SNTG1: variants seen among roughly 807,000 people sequenced by gnomAD.
SNTG1 encodes the protein syntrophin gamma 1.
Under a neutral mutation model 74.7 loss-of-function variants are expected in SNTG1, and 39 were observed. The observed-to-expected ratio is 0.52, with a 90% confidence interval of 0.40 to 0.68. The LOEUF (loss-of-function observed/expected upper bound fraction) is 0.68, where lower values mean the gene tolerates loss of function less well. Among genes scored for constraint, SNTG1 ranks in the 30% least tolerant of loss-of-function variants. The probability of loss-of-function intolerance (pLI) is 0.00; values close to 1 mark genes in which losing one functional copy is unlikely to be tolerated. For missense variants in SNTG1, 685 were observed against 609.5 expected, an observed-to-expected ratio of 1.12 and a Z score of -1.30; for synonymous variants, 254 against 217.1, an observed-to-expected ratio of 1.17 and a Z score of -1.49.
At chr8:50,498,755 T>C (rs1173246433) in intron 8 of SNTG1, among the ~76,000 whole-genome samples, 7 of 151,898 alleles carry the variant, frequency 4.6e-5, no homozygotes, top group Admixed American at 4.6e-4. Flanking sequence ...CACTCTGAGT[T>C]AGTATTAGTA....
chr8:50,014,320 T>G (rs1816106502), intron 1 of SNTG1, among the ~76,000 whole-genome samples: 1 of 152,106 alleles, frequency 6.6e-6, no homozygotes, highest in African/African-American at 2.4e-5. Context: ...GCAGGACAAA[T>G]ACAAAATGTG....
intron 2 of SNTG1, among the ~76,000 whole-genome samples, chr8:50,194,149 T>C (rs1055332162): frequency 2.0e-5 from 3 of 152,246 alleles, no homozygotes; most frequent in Middle Eastern, 3.4e-3. Flanking sequence ...TTATGTCCTT[T>C]CCTGGTTTAG....
intron 1 of SNTG1, among the ~76,000 whole-genome samples, chr8:50,137,539 G>A (rs997174527): frequency 4.6e-5 from 7 of 152,154 alleles, no homozygotes; most frequent in African/African-American, 7.2e-5. Context: ...AAGTAAATGC[G>A]TACGTAGATA....
Position 50,668,953 on chromosome 8 carries a change from G to A in SNTG1, c.1038+10290G>A, listed in dbSNP as rs910826546. ...CTGCAGTAAACATACGTGTGCATGTGTCTTTATAGCTGAATGATTTATAAT... is the reference window on the plus strand; with the variant it reads ...CTGCAGTAAACATACGTGTGCATGTATCTTTATAGCTGAATGATTTATAAT... On this transcript the variant is annotated intron_variant, in intron 15 of 18. Transcript: ENST00000642720. Among the ~76,000 whole-genome samples, 5 of 152,002 alleles carry A rather than the reference G, an allele frequency of 3.3e-5. No individual in the cohort carries two copies. In the South Asian group the frequency reaches 1.0e-3, roughly 31 times the overall value.
intron 1 of SNTG1, among the ~76,000 whole-genome samples, chr8:50,060,489 T>G (rs1481244568): frequency 4.6e-5 from 7 of 152,118 alleles, no homozygotes; most frequent in Admixed American, 4.6e-4. Context: ...CATTACCTCT[T>G]ACATTTAGGT....
chr8:50,055,544 C>T (rs1819953460), intron 1 of SNTG1, among the ~76,000 whole-genome samples: 1 of 152,060 alleles, frequency 6.6e-6, no homozygotes, highest in Non-Finnish European at 1.5e-5. Flanking sequence ...TCTTCTTATT[C>T]CTGTGTGGGC....
intron 2 of SNTG1, among the ~76,000 whole-genome samples, chr8:50,313,375 A>C (rs1359229871): frequency 6.7e-6 from 1 of 149,800 alleles, no homozygotes; most frequent in Non-Finnish European, 1.5e-5. Context: ...CAGGGCAGAA[A>C]GACAACCATA....
chr8:50,176,870 C>A (rs1448667651), intron 2 of SNTG1, among the ~76,000 whole-genome samples: 6 of 152,170 alleles, frequency 3.9e-5, no homozygotes, highest in Non-Finnish European at 1.5e-5. Flanking sequence ...TATGAAGGGA[C>A]TTCTGGAAGT....
In SNTG1 at chr8:50,405,647, A is replaced by C. The variant is rs563129228; in HGVS notation, c.162+3303A>C. ...TTGATGCACAAAAGTTTTTAATTTTAATAAAATCCATGTCAATTTTTTCTT... is the reference window on the plus strand; with the variant it reads ...TTGATGCACAAAAGTTTTTAATTTTCATAAAATCCATGTCAATTTTTTCTT... On this transcript the variant is annotated intron_variant, in intron 4 of 18. Coordinates refer to ENST00000642720, the MANE Select transcript of SNTG1 (RefSeq NM_018967.5). 3.9e-5 allele frequency among the ~76,000 whole-genome samples: 6 copies of C among 152,216 alleles called. No individual in the cohort carries two copies. In the East Asian group the frequency reaches 1.2e-3, roughly 29 times the overall value.
At chr8:50,576,838 A>G (rs1307103566) in intron 12 of SNTG1, among the ~76,000 whole-genome samples, 3 of 152,180 alleles carry the variant, frequency 2.0e-5, no homozygotes, top group African/African-American at 7.2e-5. Context: ...TTTATTAATT[A>G]TAACAATTAC....
chr8:50,617,208 G>T (rs2131019443), intron 13 of SNTG1, among the ~76,000 whole-genome samples: 1 of 152,218 alleles, frequency 6.6e-6, no homozygotes, highest in Admixed American at 6.5e-5. Context: ...TGACCTGCAA[G>T]AATACAAGCT....
rs140083572 is a variant in SNTG1 at position 50,245,615 on chromosome 8, G to A, written c.-28+72980G>A. Among the ~76,000 whole-genome samples the A allele has an allele frequency of 5.9e-3, 898 of 152,208 alleles. 5 individuals are homozygous for A. The highest frequency in any genetic ancestry group is 0.021 in the African/African-American group (859 of 41,542). On this transcript the variant is annotated intron_variant, in intron 2 of 18. Transcript: ENST00000642720. ...GGAGAATCCCTTGAACCCAGGAGGC[G>A]GAGGTTGCCATGAGCCGAGATTGCA...
chr8:50,420,798 G>A (rs564027238), intron 4 of SNTG1, among the ~76,000 whole-genome samples: 138 of 138,506 alleles, frequency 1.0e-3, no homozygotes, highest in African/African-American at 2.3e-3. Context: ...AGGCTGAGGC[G>A]GGTGGATCAT....
intron 8 of SNTG1, among the ~76,000 whole-genome samples, chr8:50,456,154 T>A (rs979512193): frequency 7.2e-5 from 11 of 152,202 alleles, no homozygotes; most frequent in African/African-American, 2.7e-4. Context: ...TAGACCCACA[T>A]GTCCGTCCCC....
intron 1 of SNTG1, among the ~76,000 whole-genome samples, chr8:50,114,094 T>A (rs2131319965): frequency 6.6e-6 from 1 of 152,216 alleles, no homozygotes; most frequent in South Asian, 2.1e-4. Flanking sequence ...ACATAATAAC[T>A]AACAATTCAC....
intron 18 of SNTG1, among the ~76,000 whole-genome samples, chr8:50,774,759 C>G (rs1441268197): frequency 6.6e-6 from 1 of 151,562 alleles, no homozygotes; most frequent in South Asian, 2.1e-4. Flanking sequence ...ATCACTGTGT[C>G]TTTGGGCTTG....
In SNTG1 at chr8:50,594,956, T is replaced by A. The variant is rs185499746; in HGVS notation, c.849+4039T>A. On this transcript the variant is annotated intron_variant, in intron 13 of 18. Transcript: ENST00000642720. ...TGTTGGCTTACATAATAATGATGCATACCCTAAAATTTATAATCTAATCAG... is the reference window on the plus strand; with the variant it reads ...TGTTGGCTTACATAATAATGATGCAAACCCTAAAATTTATAATCTAATCAG... 1.5e-3 allele frequency among the ~76,000 whole-genome samples: 221 copies of A among 152,064 alleles called. 2 individuals are homozygous for A. The highest frequency in any genetic ancestry group is 0.01 in the Middle Eastern group (3 of 294).
At chr8:50,571,061 T>C (rs369120060) in intron 12 of SNTG1, among the ~76,000 whole-genome samples, 1 of 152,172 alleles carries the variant, frequency 6.6e-6, no homozygotes, top group African/African-American at 2.4e-5. Context: ...CATAGTTTCC[T>C]TCCCTCTGCC....
intron 18 of SNTG1, among the ~76,000 whole-genome samples, chr8:50,791,152 C>T (rs1251444655): frequency 6.6e-6 from 1 of 151,800 alleles, no homozygotes; most frequent in Non-Finnish European, 1.5e-5. Context: ...ACTGGCTACA[C>T]CAAGCATTAT....
Sources: allele counts gnomAD v4.1 joint callset (sites outside exome capture counted in the v4.1 genomes callset), GRCh38; gene constraint gnomAD v4.1.1; transcripts MANE v1.5; gene names NCBI Gene and HGNC (gene_info 2026-07-23, HGNC 2026-07-21).